The following CYP4X1 variants were observed in gnomAD, a reference collection of about 807,000 sequenced individuals.
CYP4X1 encodes the protein cytochrome P450 4X1.
A neutral mutation model predicts 57.9 loss-of-function variants in CYP4X1; 44 were observed. The ratio of observed to expected loss-of-function variants is 0.76; its 90% CI spans 0.60 to 0.98. The LOEUF (loss-of-function observed/expected upper bound fraction) is 0.98. Among genes scored for constraint, CYP4X1 ranks in the 50% least tolerant of loss-of-function variants. CYP4X1 has a pLI of 0.00. For missense variants in CYP4X1, 532 were observed against 623.9 expected, an observed-to-expected ratio of 0.85 and a Z score of 1.57; for synonymous variants, 227 against 228.6, an observed-to-expected ratio of 0.99 and a Z score of 0.06.
the CYP4X1 span, among the ~76,000 whole-genome samples, chr1:47,018,582 G>C: frequency 2.6e-5 from 4 of 152,132 alleles, no homozygotes; most frequent in Non-Finnish European, 5.9e-5. Context: ...GCGCTGGAGT[G>C]GAAGAGGTTG....
the CYP4X1 span, among the ~76,000 whole-genome samples, chr1:46,984,837 C>A: frequency 1.3e-5 from 2 of 152,116 alleles, no homozygotes; most frequent in Non-Finnish European, 2.9e-5. Flanking sequence ...CCAGTGATGC[C>A]TGAAATGCCA....
the CYP4X1 span, among the ~76,000 whole-genome samples, chr1:46,962,316 C>A: frequency 3.3e-5 from 5 of 152,072 alleles, no homozygotes; most frequent in Non-Finnish European, 7.4e-5. Flanking sequence ...AGGGGTTTCA[C>A]CATGTTGGTC....
chr1:47,024,029 A>AGGGGCGGAGGAGGAT lies in CYP4X1; in HGVS notation c.177+37_177+51dup, dbSNP rs763313704. The stretch of plus-strand genomic sequence containing the variant: ...AGGGAGGAGGGAGGAAGGAGGAGGG[A>AGGGGCGGAGGAGGAT]GGGGCGGAGGAGGATGCGGCAGAGG... On this transcript the variant is annotated intron_variant, in intron 1 of 11. Transcript: ENST00000371901. 52 of 1,588,588 alleles carry AGGGGCGGAGGAGGAT rather than the reference A, an allele frequency of 3.3e-5. No homozygotes were observed. In the Middle Eastern group the frequency reaches 8.5e-4, roughly 26 times the overall value.
At chr1:46,999,755 CTTT>C in the CYP4X1 span, among the ~76,000 whole-genome samples, 1 of 147,340 alleles carries the variant, frequency 6.8e-6, no homozygotes. Flanking sequence ...AACTCTTTTT[CTTT>C]TTTTTTTTTA....
chr1:47,037,444 T>A (rs1459261635), intron 6 of CYP4X1, among the ~76,000 whole-genome samples: 3 of 152,106 alleles, frequency 2.0e-5, no homozygotes, highest in Non-Finnish European at 4.4e-5. Flanking sequence ...CTAATTTTTT[T>A]AAATTGTTTA....
At position 47,038,737 on chromosome 1, in the gene CYP4X1, G is replaced by T. The variant is rs779411320; in HGVS notation, c.853G>T (p.Asp285Tyr). The change falls in exon 7 of 12, where the codon GAT becomes TAT. Residue 285 changes from aspartate to tyrosine, a missense_variant. Coordinates refer to ENST00000371901, the MANE Select transcript of CYP4X1 (RefSeq NM_178033.2). ...QDNTPKRKYQ[D>Y]FLDIVLSAKD... ...TAACACTCCGAAGAGGAAGTACCAG[G>T]ATTTTCTGGATATTGTCCTTTCTGC... is the stretch of plus-strand genomic sequence containing the variant. The T allele has an allele frequency of 1.9e-6, 3 of 1,610,258 alleles. No individual in the cohort carries two copies. Among genetic ancestry groups the T allele is most frequent in the East Asian group, 4.5e-5 (2 of 44,642 alleles).
chr1:47,048,436 C>G, intron 9 of CYP4X1, 129 bp from the exon 10 acceptor site: 1 of 971,536 alleles, frequency 1.0e-6, no homozygotes, highest in East Asian at 2.4e-5. Flanking sequence ...CTGGTGTCAT[C>G]AGCTACAGCA....
the CYP4X1 span, chr1:46,967,770 CG>C: frequency 7.4e-7 from 1 of 1,344,736 alleles, no homozygotes; most frequent in Non-Finnish European, 9.9e-7. Context: ...GTATGCCGAC[CG>C]GGATCCTGGT....
rs137920267 is a variant in CYP4X1 at position 47,036,690 on chromosome 1, G to A, written c.775+519G>A. On this transcript the variant is annotated intron_variant, in intron 6 of 11. Transcript: ENST00000371901. ...CATAATGGAGAATACTTATCAAGCA[G>A]TGAATTAATCCTTCATCAGCTTCAC... is the stretch of plus-strand genomic sequence containing the variant. Among the ~76,000 whole-genome samples, 662 of 152,230 alleles carry A rather than the reference G, an allele frequency of 4.3e-3. 9 individuals carry two copies. Among genetic ancestry groups the A allele is most frequent in the African/African-American group, 0.015 (633 of 41,546 alleles).
the CYP4X1 span, among the ~76,000 whole-genome samples, chr1:47,014,385 T>G: frequency 1.5e-4 from 23 of 152,060 alleles, no homozygotes; most frequent in African/African-American, 4.1e-4. Context: ...GGGTAGGAAA[T>G]AGAGAGAGGA....
chr1:47,033,289 G>C lies in CYP4X1; in HGVS notation c.413G>C (p.Arg138Pro). Reference sequence around the variant, plus strand: ...GGACCCAAGTGGTTCCAGCATCGTCGCCTACTAACTCCTGGATTCCATTTT... The same window carrying C: ...GGACCCAAGTGGTTCCAGCATCGTCCCCTACTAACTCCTGGATTCCATTTT... Reference protein sequence around the residue: ...LDGPKWFQHRRLLTPGFHFNI... With the variant: ...LDGPKWFQHRPLLTPGFHFNI... Residue 138 changes from arginine (R) to proline (P), a missense_variant, in exon 4 of 12, where the codon CGC (arginine) becomes CCC (proline). Arg to Pro is a moderately radical substitution (Grantham distance 103). Transcript: ENST00000371901. 6.2e-7 allele frequency: 1 copy of C among 1,613,704 alleles called. No individual in the cohort carries two copies. The highest frequency in any genetic ancestry group is 8.5e-7 in the Non-Finnish European group (1 of 1,179,796).
chr1:47,049,467 C>T lies in CYP4X1; in HGVS notation c.1318C>T (p.His440Tyr), dbSNP rs866028168. 1.2e-6 allele frequency: 2 copies of T among 1,614,128 alleles called. No individual in the cohort carries two copies. The highest frequency in any genetic ancestry group is 8.5e-7 in the Non-Finnish European group (1 of 1,180,008). The part of the protein sequence containing the change: ...RFSQENSDQR[H>Y]PYAYLPFSAG... ...CTCTCAGGAGAATTCTGATCAGAGA[C>T]ACCCCTATGCCTACTTACCATTCTC... Residue 440 changes from histidine (H) to tyrosine (Y), a missense_variant, in exon 11 of 12, where the codon CAC becomes TAC. Physicochemically the swap from His to Tyr is moderately conservative, Grantham distance 83. Transcript: ENST00000371901.
Position 47,033,309 on chromosome 1 carries a change from C to A in CYP4X1, c.433C>A (p.His145Asn). The A allele has an allele frequency of 6.2e-7, 1 of 1,613,804 alleles. No individual in the cohort carries two copies. The change falls in exon 4 of 12, where the codon CAT (histidine) becomes AAT (asparagine). Residue 145 changes from histidine to asparagine, a missense_variant. Transcript: ENST00000371901. Reference sequence around the variant, plus strand: ...TCGTCGCCTACTAACTCCTGGATTCCATTTTAACATCCTGAAAGCATACAT... The same window carrying A: ...TCGTCGCCTACTAACTCCTGGATTCAATTTTAACATCCTGAAAGCATACAT... ...QHRRLLTPGF[H>N]FNILKAYIEV...
chr1:47,028,639 G>A (rs1000763667), intron 1 of CYP4X1, among the ~76,000 whole-genome samples: 25 of 152,088 alleles, frequency 1.6e-4, no homozygotes, highest in Non-Finnish European at 1.5e-5. Flanking sequence ...TGTCCTTTTT[G>A]TCTAGTCAGG....
chr1:47,055,068 G>C (rs938076372), downstream of CYP4X1, among the ~76,000 whole-genome samples: 1 of 152,148 alleles, frequency 6.6e-6, no homozygotes, highest in African/African-American at 2.4e-5. Context: ...GTCATAGATA[G>C]CTCTTACTAT....
rs1437858149 is a variant in CYP4X1 at position 47,050,030 on chromosome 1, TGA to T, written c.1388_1389del (p.Glu463ValfsTer45). On this transcript the variant is annotated frameshift_variant, in exon 12 of 12. Coordinates refer to ENST00000371901, the MANE Select transcript of CYP4X1 (RefSeq NM_178033.2). LOFTEE classifies it low-confidence loss of function (END_TRUNC). ...NCIGQEFAMI[E>X]LKVTIALILL... ...GCATTGGGCAGGAGTTTGCCATGAT[TGA>T]GTTAAAGGTAACCATTGCCTTGATT... 5 of 1,613,924 alleles carry T rather than the reference TGA, an allele frequency of 3.1e-6. No homozygotes were observed. The African/African-American group carries it at 6.7e-5, about 22-fold the overall frequency.
chr1:47,049,757 A>G (rs760286900), intron 11 of CYP4X1, among the ~76,000 whole-genome samples: 9 of 152,170 alleles, frequency 5.9e-5, no homozygotes, highest in Non-Finnish European at 8.8e-5. Flanking sequence ...CCTTCAAAGC[A>G]AGAGAAATAA....
At chr1:47,049,588 C>G (rs1236574954) in intron 11 of CYP4X1, 84 bp downstream of exon 11, 20 of 1,235,904 alleles carry the variant, frequency 1.6e-5, no homozygotes, top group Non-Finnish European at 2.3e-5. Context: ...CAGCTCTATA[C>G]ATTCTTCCAG....
Position 47,036,005 on chromosome 1 carries a change from T to A in CYP4X1, c.621-12T>A. 1 of 1,610,346 alleles carries A rather than the reference T, an allele frequency of 6.2e-7. No homozygotes were observed. Among genetic ancestry groups the A allele is most frequent in the Non-Finnish European group, 8.5e-7 (1 of 1,177,280 alleles). On this transcript the variant is annotated splice_polypyrimidine_tract_variant and intron_variant, in intron 5 of 11. Transcript: ENST00000371901. ...TTGTTTATTAACACATTATCCCAAC[T>A]TTCTCTTCTAGCACCCATGATCCTT...
Sources: gnomAD v4.1 joint callset for allele counts (sites outside exome capture counted in the v4.1 genomes callset) on GRCh38, gnomAD v4.1.1 for gene constraint, MANE v1.5 for transcripts, NCBI Gene and HGNC (gene_info 2026-07-23, HGNC 2026-07-21) for gene names.